Variants in PSMB2 observed in about 807,000 individuals in gnomAD.
PSMB2 encodes the protein proteasome 20S subunit beta 2.
Under a neutral mutation model 25.7 loss-of-function variants are expected in PSMB2, and 13 were observed. The ratio of observed to expected loss-of-function variants is 0.51; its 90% confidence interval spans 0.33 to 0.80. The LOEUF (loss-of-function observed/expected upper bound fraction) is 0.80. Ranked by LOEUF, PSMB2 falls within the 30% of genes least tolerant of loss-of-function variation. The pLI, the probability that PSMB2 is intolerant of heterozygous loss-of-function variation, is 0.02. For missense variants in PSMB2, 202 were observed against 259.0 expected, an observed-to-expected ratio of 0.78 and a Z score of 1.51; for synonymous variants, 87 against 96.2, an observed-to-expected ratio of 0.90 and a Z score of 0.56.
intron 3 of PSMB2, among the ~76,000 whole-genome samples, chr1:35,614,859 G>T (rs1571127004): frequency 6.6e-6 from 1 of 152,224 alleles, no homozygotes; most frequent in East Asian, 1.9e-4. Flanking sequence ...AGAAGGCAGT[G>T]AGGGTGGGGT....
chr1:35,631,417 C>A, intron 2 of PSMB2, 73 bp from the exon 3 acceptor site: 1 of 1,597,256 alleles, frequency 6.3e-7, no homozygotes, highest in East Asian at 2.2e-5. Flanking sequence ...TATTCACTAC[C>A]CCTGTTCCTA....
chr1:35,621,483 A>G (rs1204497165), intron 3 of PSMB2, among the ~76,000 whole-genome samples: 1 of 152,228 alleles, frequency 6.6e-6, no homozygotes, highest in East Asian at 1.9e-4. Flanking sequence ...CAGAAAAGGA[A>G]GTGTAGAATT....
intron 3 of PSMB2, among the ~76,000 whole-genome samples, chr1:35,630,755 T>C (rs2148576223): frequency 6.6e-6 from 1 of 152,322 alleles, no homozygotes; most frequent in Non-Finnish European, 1.5e-5. Context: ...TATCCTGTAA[T>C]GGTAGATACA....
chr1:35,628,549 A>G (rs1427814337), intron 3 of PSMB2, among the ~76,000 whole-genome samples: 1 of 134,238 alleles, frequency 7.4e-6, no homozygotes, highest in Admixed American at 7.9e-5. Context: ...TGAAGAAAAG[A>G]CCACTTGGTG....
At chr1:35,617,590 G>A (rs1395426924) in intron 3 of PSMB2, among the ~76,000 whole-genome samples, 4 of 152,206 alleles carry the variant, frequency 2.6e-5, no homozygotes, top group Admixed American at 2.0e-4. Flanking sequence ...TTTATTGTAT[G>A]AGAAGCATCA....
intron 1 of PSMB2, among the ~76,000 whole-genome samples, chr1:35,640,092 A>ATACTGTACTGTACTGTACTG (rs1553126273): frequency 5.3e-5 from 8 of 151,958 alleles, no homozygotes; most frequent in African/African-American, 1.9e-4. Flanking sequence ...ATACTATACT[A>ATACTGTACTGTACTGTACTG]TACTATACTA....
At chr1:35,618,453 G>A (rs752319452) in intron 3 of PSMB2, among the ~76,000 whole-genome samples, 7 of 151,338 alleles carry the variant, frequency 4.6e-5, no homozygotes, top group Non-Finnish European at 5.9e-5. Context: ...ATGGAAGAAA[G>A]TAAAGAAAAT....
Position 35,601,358 on chromosome 1 carries a change from G to C in PSMB2, c.*1909C>G, listed in dbSNP as rs1329518500. ...CAAAGTGCTGGGATTACAGGCATGA[G>C]CCACCGCACCCGGCCAACCTGTGGC... On this transcript the variant is annotated 3_prime_UTR_variant, in exon 6 of 6. Transcript: ENST00000373237. The C allele has an allele frequency of 1.0e-6, 1 of 984,718 alleles. No homozygotes were observed. Among genetic ancestry groups the C allele is most frequent in the East Asian group, 1.1e-4 (1 of 8,804 alleles). 61.0% of individuals were successfully genotyped at this position (984,718 alleles called of 1,614,324 possible).
chr1:35,628,399 A>C (rs1650927324), intron 3 of PSMB2, among the ~76,000 whole-genome samples: 1 of 151,312 alleles, frequency 6.6e-6, no homozygotes, highest in Admixed American at 6.6e-5. Context: ...TTGTGCCCAA[A>C]GCTGGAATTC....
At chr1:35,628,590 A>ATATATATATATATAT (rs1372144330) in intron 3 of PSMB2, among the ~76,000 whole-genome samples, 1 of 16,574 alleles carries the variant, frequency 6.0e-5, no homozygotes, top group Non-Finnish European at 1.0e-4. Context: ...AAAAAAAAAA[A>ATATATATATATATAT]AAAAAAATAT....
At chr1:35,622,751 G>T (rs1650727048) in intron 3 of PSMB2, among the ~76,000 whole-genome samples, 1 of 151,456 alleles carries the variant, frequency 6.6e-6, no homozygotes, top group African/African-American at 2.4e-5. Context: ...GGAAGGGGAG[G>T]GGGAGGACTT....
At chr1:35,620,978 T>C (rs1650664682) in intron 3 of PSMB2, among the ~76,000 whole-genome samples, 1 of 151,848 alleles carries the variant, frequency 6.6e-6, no homozygotes, top group South Asian at 2.1e-4. Context: ...CTTTAGATTA[T>C]CGATTTTATG....
At chr1:35,616,791 TA>T (rs1296997570) in intron 3 of PSMB2, among the ~76,000 whole-genome samples, 4 of 152,190 alleles carry the variant, frequency 2.6e-5, no homozygotes, top group African/African-American at 9.6e-5. Context: ...TTGCCATAAC[TA>T]AAAAAATTCA....
chr1:35,603,243 G>T lies in PSMB2; in HGVS notation c.*24C>A, dbSNP rs1244252585. 1 of 1,601,252 alleles carries T rather than the reference G, an allele frequency of 6.2e-7. No individual in the cohort carries two copies. The highest frequency in any genetic ancestry group is 1.4e-5 in the African/African-American group (1 of 74,012). On this transcript the variant is annotated 3_prime_UTR_variant, in exon 6 of 6. Transcript: ENST00000373237. ...GAGCCCATCAAAAAAAAGTTCCCTG[G>T]CAAGTGGGAGGGAGGACATGATGTT...
chr1:35,641,324 T>G lies in PSMB2; in HGVS notation c.91+18A>C. 6.2e-7 allele frequency: 1 copy of G among 1,613,942 alleles called. No individual in the cohort carries two copies. The highest frequency in any genetic ancestry group is 8.5e-7 in the Non-Finnish European group (1 of 1,179,962). On this transcript the variant is annotated intron_variant, in intron 1 of 5. Transcript: ENST00000373237. ...CCTACACCCCAGGCCTGGCCGGGCC[T>G]CCCCTGCTTCCTCTCACCGTCCTTC...
intron 1 of PSMB2, among the ~76,000 whole-genome samples, chr1:35,639,830 T>C (rs754365894): frequency 1.3e-5 from 2 of 152,228 alleles, no homozygotes; most frequent in Non-Finnish European, 2.9e-5. Context: ...AGGACTGGCT[T>C]ACAAACAAAA....
At chr1:35,605,858 T>G (rs1425865018) in intron 4 of PSMB2, among the ~76,000 whole-genome samples, 2 of 152,182 alleles carry the variant, frequency 1.3e-5, no homozygotes, top group Admixed American at 1.3e-4. Flanking sequence ...GGCTAGTAGT[T>G]ATTTTGGTGG....
chr1:35,623,077 T>A (rs765328821), intron 3 of PSMB2, among the ~76,000 whole-genome samples: 6 of 152,200 alleles, frequency 3.9e-5, no homozygotes, highest in Admixed American at 2.0e-4. Flanking sequence ...ACACCTCAAC[T>A]TCAAGGCACA....
intron 3 of PSMB2, among the ~76,000 whole-genome samples, chr1:35,623,212 CAT>C (rs1280568474): frequency 2.6e-5 from 4 of 152,208 alleles, no homozygotes; most frequent in South Asian, 2.1e-4. Flanking sequence ...CTGGGATACA[CAT>C]ATGTTTTGCA....
Sources: gnomAD v4.1 joint callset for allele counts (sites outside exome capture counted in the v4.1 genomes callset) on GRCh38, gnomAD v4.1.1 for gene constraint, MANE v1.5 for transcripts, NCBI Gene and HGNC (gene_info 2026-07-23, HGNC 2026-07-21) for gene names.